The following LAMA3 variants were observed in gnomAD, a reference collection of about 807,000 sequenced individuals.
LAMA3 encodes laminin subunit alpha-3.
In LAMA3, 281 loss-of-function variants were observed where a neutral mutation model predicts 402.0. The observed-to-expected ratio is 0.70, with a 90% CI of 0.63 to 0.77. The LOEUF (loss-of-function observed/expected upper bound fraction) is 0.77, where lower values mean the gene tolerates loss of function less well. Ranked by LOEUF, LAMA3 falls within the 30% of genes least tolerant of loss-of-function variation. The probability of loss-of-function intolerance (pLI) is 0.00; values close to 1 mark genes in which losing one functional copy is unlikely to be tolerated. For synonymous variants in LAMA3, 1,431 were observed against 1,558.4 expected (o/e 0.92, Z 1.93); for missense variants, 3,840 against 4,215.5 (o/e 0.91, Z 2.47).
intron 38 of LAMA3, among the ~76,000 whole-genome samples, chr18:23,873,785 C>T (rs1340607965): frequency 1.3e-5 from 2 of 152,064 alleles, no homozygotes; most frequent in Non-Finnish European, 2.9e-5. Context: ...GGATTAGGGA[C>T]ATAATATTAT....
intron 24 of LAMA3, among the ~76,000 whole-genome samples, chr18:23,836,151 G>T (rs974200707): frequency 6.6e-6 from 1 of 150,912 alleles, no homozygotes; most frequent in African/African-American, 2.5e-5. Flanking sequence ...ACTCACATAG[G>T]GGAGTGAGAA....
chr18:23,873,624 G>T (rs571285938), intron 38 of LAMA3, among the ~76,000 whole-genome samples: 1 of 152,236 alleles, frequency 6.6e-6, no homozygotes, highest in Non-Finnish European at 1.5e-5. Context: ...CTTGAGAAAA[G>T]TGATCAAAGT....
At chr18:23,898,875 G>C in intron 45 of LAMA3, 27 bp downstream of exon 45, 1 of 1,572,256 alleles carries the variant, frequency 6.4e-7, no homozygotes, top group Middle Eastern at 1.7e-4. Context: ...ATTTAACTTT[G>C]GGGTTTTTTT....
At chr18:23,846,649 G>A in intron 31 of LAMA3, 141 bp downstream of exon 31, 3 of 851,010 alleles carry the variant, frequency 3.5e-6, no homozygotes, top group Non-Finnish European at 5.7e-6. Context: ...TCAGGAGACT[G>A]GGCTGGAGCC....
intron 1 of LAMA3, among the ~76,000 whole-genome samples, chr18:23,711,602 T>TAACTACAGACACTACC (rs1165994285): frequency 2.0e-5 from 3 of 152,268 alleles, no homozygotes; most frequent in African/African-American, 7.2e-5. Context: ...TACAGGGTAG[T>TAACTACAGACACTACC]GTTAACTTGT....
At chr18:23,856,178 G>C (rs1212203099) in intron 32 of LAMA3, among the ~76,000 whole-genome samples, 2 of 152,192 alleles carry the variant, frequency 1.3e-5, no homozygotes, top group Non-Finnish European at 2.9e-5. Context: ...AGGTTACCTG[G>C]TTCCAAGTTT....
At chr18:23,954,245 A>G (rs2083030258) in intron 74 of LAMA3, among the ~76,000 whole-genome samples, 1 of 151,848 alleles carries the variant, frequency 6.6e-6, no homozygotes, top group African/African-American at 2.4e-5. Flanking sequence ...CTACAAAAAC[A>G]TTAAAAATTA....
intron 6 of LAMA3, among the ~76,000 whole-genome samples, chr18:23,755,501 TTATAACAATTTAAAGGGA>T (rs1008233230): frequency 6.6e-6 from 1 of 152,204 alleles, no homozygotes; most frequent in African/African-American, 2.4e-5. Context: ...GGTAGAAATC[TTATAACAATTTAAAGGGA>T]TTCAGAAACT....
chr18:23,876,105 G>T (rs2064701981), intron 38 of LAMA3, among the ~76,000 whole-genome samples, 189 bp from the exon 39 acceptor site: 1 of 152,192 alleles, frequency 6.6e-6, no homozygotes, highest in Non-Finnish European at 1.5e-5. Flanking sequence ...TTGAGCCTAG[G>T]AGCCCAAGAC....
At chr18:23,939,424 A>G (rs369886503) in intron 68 of LAMA3, 38 bp downstream of exon 68, 41 of 1,606,382 alleles carry the variant, frequency 2.6e-5, no homozygotes, top group Non-Finnish European at 3.1e-5. Flanking sequence ...CCAGCTCAGA[A>G]CCTGACTCTG....
intron 23 of LAMA3, among the ~76,000 whole-genome samples, chr18:23,831,240 A>T (rs2063485321): frequency 6.6e-6 from 1 of 152,180 alleles, no homozygotes; most frequent in Admixed American, 6.5e-5. Context: ...GGAATATTTG[A>T]TCAACACTTA....
At chr18:23,790,950 G>A (rs1380730387) in intron 12 of LAMA3, among the ~76,000 whole-genome samples, 1 of 151,140 alleles carries the variant, frequency 6.6e-6, no homozygotes, top group Admixed American at 6.6e-5. Flanking sequence ...GTGCAGTGGC[G>A]CGATCTCGGT....
chr18:23,920,925 T>G lies in LAMA3; in HGVS notation c.7924-10T>G. The G allele has an allele frequency of 6.2e-7, 1 of 1,613,890 alleles. No individual in the cohort carries two copies. Among genetic ancestry groups the G allele is most frequent in the Non-Finnish European group, 8.5e-7 (1 of 1,179,952 alleles). ...GCCTTCTGGTCATCTGCATTGTTCC[T>G]CTGTCCTAGGATCGCTTCATATCTC... On this transcript the variant is annotated splice_polypyrimidine_tract_variant and intron_variant, in intron 60 of 74. Transcript: ENST00000313654.
intron 18 of LAMA3, among the ~76,000 whole-genome samples, 178 bp downstream of exon 18, chr18:23,816,665 T>C (rs753368885): frequency 2.6e-5 from 4 of 152,140 alleles, no homozygotes; most frequent in African/African-American, 7.2e-5. Context: ...AAACAGGAGA[T>C]TACTTTGCCC....
chr18:23,767,384 A>G (rs1276301665), intron 8 of LAMA3, among the ~76,000 whole-genome samples: 3 of 149,996 alleles, frequency 2.0e-5, no homozygotes, highest in Non-Finnish European at 2.9e-5. Flanking sequence ...AGAAGAAACC[A>G]AAAAAAGAGC....
chr18:23,914,389 G>T (rs537613520), intron 56 of LAMA3, 21 bp from the exon 57 acceptor site: 1 of 1,614,046 alleles, frequency 6.2e-7, no homozygotes, highest in Admixed American at 1.7e-5. Context: ...GAAGTGTTCT[G>T]AGGTGGCCCT....
intron 9 of LAMA3, among the ~76,000 whole-genome samples, chr18:23,775,145 AG>A (rs903224695): frequency 6.6e-6 from 1 of 152,228 alleles, no homozygotes; most frequent in African/African-American, 2.4e-5. Context: ...TTCCCTGTCC[AG>A]GGTGCACCTG....
In LAMA3 at chr18:23,819,999, TA is replaced by T; in HGVS notation, c.2304+3del. The T allele has an allele frequency of 6.2e-7, 1 of 1,614,018 alleles. No homozygotes were observed. Among genetic ancestry groups the T allele is most frequent in the Non-Finnish European group, 8.5e-7 (1 of 1,179,946 alleles). The stretch of plus-strand genomic sequence containing the variant: ...TATGCCCAAATGACCTCAGTACAGG[TA>T]CGCAACCCGAAGAGAGCAGCTTCAT... On this transcript the variant is annotated splice_donor_region_variant and intron_variant, in intron 19 of 74. Transcript: ENST00000313654.
chr18:23,899,363 C>T lies in LAMA3; in HGVS notation c.5912C>T (p.Ala1971Val). Reference protein sequence around the residue: ...VPSGDFSREWAEAQRMMRELR... With the variant: ...VPSGDFSREWVEAQRMMRELR... ...TCAGGTGACTTTTCCAGAGAGTGGGCTGAAGCCCAGCGCATGATGAGGGAA... is the reference window on the plus strand; with the variant it reads ...TCAGGTGACTTTTCCAGAGAGTGGGTTGAAGCCCAGCGCATGATGAGGGAA... The change falls in exon 47 of 75, where the codon GCT (alanine) becomes GTT (valine). Residue 1971 changes from alanine (A) to valine (V), a missense_variant. By Grantham distance (64) the Ala-to-Val change is moderately conservative (BLOSUM62 0). Around this residue, in one of 3 missense-constraint regions of LAMA3, gnomAD observed 891 missense variants for 857.5 expected, o/e 1.04. Coordinates refer to ENST00000313654, the MANE Select transcript of LAMA3 (RefSeq NM_198129.4). 1.2e-6 allele frequency: 2 copies of T among 1,614,072 alleles called. No homozygotes were observed. The highest frequency in any genetic ancestry group is 2.2e-5 in the East Asian group (1 of 44,880).
Sources: gnomAD v4.1 joint callset for allele counts (sites outside exome capture counted in the v4.1 genomes callset) on GRCh38, gnomAD v4.1.1 for gene constraint, gnomAD v4.1.1 regional missense constraint, MANE v1.5 for transcripts, NCBI Gene and HGNC (gene_info 2026-07-23, HGNC 2026-07-21) for gene names.